The following SUMF2 variants were observed in gnomAD, a reference collection of about 807,000 sequenced individuals.
The protein encoded by SUMF2 is sulfatase modifying factor 2.
A neutral mutation model predicts 44.8 loss-of-function variants in SUMF2; 45 were observed. The observed-to-expected ratio is 1.00, with a 90% CI of 0.79 to 1.29. SUMF2 has a LOEUF of 1.29. Ranked by LOEUF, SUMF2 falls within the 50% of genes most tolerant of loss-of-function variation. The pLI, the probability that SUMF2 is intolerant of heterozygous loss-of-function variation, is 0.00. For synonymous variants in SUMF2, 148 were observed against 150.4 expected (o/e 0.98, Z 0.12); for missense variants, 418 against 389.9 (o/e 1.07, Z -0.61).
downstream of SUMF2, chr7:56,083,209 A>G (rs1479557003): frequency 5.7e-6 from 8 of 1,404,724 alleles, no homozygotes; most frequent in Admixed American, 1.1e-4. Context: ...AACCCAGACC[A>G]TCTCTATTCT....
At chr7:56,064,882 CAAAAAA>C (rs71015175) in intron 1 of SUMF2, among the ~76,000 whole-genome samples, 2 of 14,300 alleles carry the variant, frequency 1.4e-4, no homozygotes, top group Non-Finnish European at 2.3e-4. Flanking sequence ...TACTTTATCT[CAAAAAA>C]AAAAAAAAAA....
intron 1 of SUMF2, among the ~76,000 whole-genome samples, chr7:56,066,342 G>C (rs1253276400): frequency 1.3e-5 from 2 of 152,174 alleles, no homozygotes; most frequent in South Asian, 4.1e-4. Context: ...CCTAAATCTA[G>C]TCCTGTCTCC....
At chr7:56,074,153 C>T (rs777061797) in intron 3 of SUMF2, 21 bp from the exon 4 acceptor site, 31 of 1,613,230 alleles carry the variant, frequency 1.9e-5, no homozygotes, top group South Asian at 1.3e-4. Context: ...ATCTTGCAGT[C>T]GGTCTCCTTC....
chr7:56,064,555 G>C (rs1794619544), intron 1 of SUMF2, among the ~76,000 whole-genome samples, 177 bp downstream of exon 1: 1 of 152,122 alleles, frequency 6.6e-6, no homozygotes, highest in Non-Finnish European at 1.5e-5. Flanking sequence ...TCAACTTCTT[G>C]TTGTGGAATC....
rs35384521 is a variant in SUMF2, at chr7:56,078,132, G to A, written c.622G>A (p.Asp208Asn). 27,160 of 1,612,732 alleles carry A rather than the reference G, an allele frequency of 0.017. 275 individuals carry two copies. The highest frequency in any genetic ancestry group is 0.02 in the Non-Finnish European group (23,367 of 1,178,928). The change falls in exon 7 of 9, where the codon GAT (aspartate) becomes AAT (asparagine). Residue 208 changes from aspartate to asparagine, a missense_variant. By Grantham distance (23) the Asp-to-Asn change is conservative (BLOSUM62 1). Coordinates refer to ENST00000434526, the MANE Select transcript of SUMF2 (RefSeq NM_015411.4). ...GTTCCCCAAGGGAGACAAAGCTGAG[G>A]ATGGCTTCCATGGAGTCTCCCCAGT... ...GKFPKGDKAE[D>N]GFHGVSPVNA...
At chr7:56,084,118 G>C (rs1447774984), downstream of SUMF2, 1 of 1,232,976 alleles carries the variant, frequency 8.1e-7, no homozygotes, top group Non-Finnish European at 1.1e-6. Flanking sequence ...GGAAGCAATG[G>C]GCCCCGAGCT....
intron 2 of SUMF2, among the ~76,000 whole-genome samples, chr7:56,072,180 C>T (rs1463529042): frequency 6.6e-6 from 1 of 151,484 alleles, no homozygotes; most frequent in Non-Finnish European, 1.5e-5. Context: ...AATCCCAACA[C>T]TTTGGGAGGC....
chr7:56,079,888 C>T lies in SUMF2; in HGVS notation c.*276C>T, dbSNP rs937694843. ...TATTATTGACACAGGATTGCAAACA[C>T]ACAAACAATTGGAACAGAGCACTCT... is the stretch of plus-strand genomic sequence containing the variant. On this transcript the variant is annotated 3_prime_UTR_variant, in exon 9 of 9. Coordinates refer to ENST00000434526, the MANE Select transcript of SUMF2 (RefSeq NM_015411.4). 2 of 1,528,860 alleles carry T rather than the reference C, an allele frequency of 1.3e-6. No individual in the cohort carries two copies. The highest frequency in any genetic ancestry group is 1.8e-6 in the Non-Finnish European group (2 of 1,134,020). 94.7% of individuals were successfully genotyped at this position (1,528,860 alleles called of 1,614,324 possible).
chr7:56,068,364 C>A, intron 1 of SUMF2, 118 bp from the exon 2 acceptor site: 2 of 1,032,898 alleles, frequency 1.9e-6, no homozygotes, highest in Non-Finnish European at 2.7e-6. Context: ...GATTTTTAAG[C>A]CTCCACATTT....
intron 6 of SUMF2, 31 bp from the exon 7 acceptor site, chr7:56,078,071 T>C: frequency 6.3e-7 from 1 of 1,586,180 alleles, no homozygotes; most frequent in Non-Finnish European, 8.6e-7. Flanking sequence ...GGACAGGTGG[T>C]AAATCCTTTA....
downstream of SUMF2, chr7:56,080,777 G>C: frequency 2.0e-6 from 1 of 494,398 alleles, no homozygotes; most frequent in South Asian, 2.4e-5. Context: ...GGCTCATCTA[G>C]GAAGTAGAGG....
At chr7:56,068,755 G>C in intron 2 of SUMF2, 117 bp downstream of exon 2, 2 of 1,241,864 alleles carry the variant, frequency 1.6e-6, no homozygotes, top group Non-Finnish European at 1.1e-6. Context: ...AGGTGCTGGA[G>C]TGCAGTGGCG....
intron 5 of SUMF2, 62 bp from the exon 6 acceptor site, chr7:56,076,772 C>T: frequency 6.8e-7 from 1 of 1,465,900 alleles, no homozygotes. Flanking sequence ...TTTCTGTGTT[C>T]TTTTTTCCTT....
the SUMF2 span, among the ~76,000 whole-genome samples, chr7:56,086,131 T>C: frequency 2.6e-5 from 4 of 151,570 alleles, no homozygotes; most frequent in Admixed American, 6.6e-5. Context: ...TGGACATGCT[T>C]TCCTGACCAC....
downstream of SUMF2, chr7:56,083,603 C>G: frequency 6.5e-7 from 1 of 1,535,504 alleles, no homozygotes; most frequent in Non-Finnish European, 8.9e-7. Context: ...GCCTGTGGCC[C>G]TAAGCCACGT....
At position 56,074,567 on chromosome 7, in the gene SUMF2, A is replaced by C. The variant is rs1051664567; in HGVS notation, c.385-19A>C. On this transcript the variant is annotated intron_variant, in intron 4 of 8. Coordinates refer to ENST00000434526, the MANE Select transcript of SUMF2 (RefSeq NM_015411.4). ...TAATGCGCTCCCGGAAGCCTGTCTCACTTAATCCTGGCTGTCAGCCTGCAG... is the reference window on the plus strand; with the variant it reads ...TAATGCGCTCCCGGAAGCCTGTCTCCCTTAATCCTGGCTGTCAGCCTGCAG... 1.9e-6 allele frequency: 3 copies of C among 1,613,118 alleles called. No homozygotes were observed. The highest frequency in any genetic ancestry group is 2.5e-6 in the Non-Finnish European group (3 of 1,179,514).
downstream of SUMF2, chr7:56,081,810 GTCAGGAAAGGCAGGGCC>G: frequency 6.2e-7 from 1 of 1,608,796 alleles, no homozygotes; most frequent in Non-Finnish European, 8.5e-7. This position sits in a 1 kb window ranked among gnomAD's most constrained non-coding sequence, Gnocchi z 4.6. Context: ...CCTCCAGCAT[GTCAGGAAAGGCAGGGCC>G]TCCCCGGGCA....
chr7:56,087,826 G>GTGA, the SUMF2 span: 1 of 1,500,686 alleles, frequency 6.7e-7, no homozygotes, highest in Non-Finnish European at 9.2e-7. Flanking sequence ...ACCCCATGGG[G>GTGA]GGTCCCAGAT....
chr7:56,083,861 C>CCCTCA (rs1796138037), downstream of SUMF2: 1 of 663,052 alleles, frequency 1.5e-6, no homozygotes, highest in African/African-American at 1.8e-5. Flanking sequence ...GGGAGAGGAG[C>CCCTCA]CGGGGAAGTG....
Sources: gnomAD v4.1 joint callset for allele counts (sites outside exome capture counted in the v4.1 genomes callset) on GRCh38, gnomAD v4.1.1 for gene constraint, Gnocchi (gnomAD v3.1) non-coding constraint, MANE v1.5 for transcripts, NCBI Gene and HGNC (gene_info 2026-07-23, HGNC 2026-07-21) for gene names.